PTK2: variants seen among roughly 807,000 people sequenced by gnomAD.
PTK2 encodes focal adhesion kinase 1.
Under a neutral mutation model 150.1 loss-of-function variants are expected in PTK2, and 45 were observed. The ratio of observed to expected loss-of-function variants is 0.30; its 90% CI spans 0.24 to 0.38. The LOEUF (loss-of-function observed/expected upper bound fraction) is 0.38, where lower values mean the gene tolerates loss of function less well. PTK2 is among the 10% of genes least tolerant of loss of function. PTK2 has a pLI of 1.00. For synonymous variants in PTK2, 432 were observed against 449.2 expected (o/e 0.96, Z 0.48); for missense variants, 919 against 1,307.3 (o/e 0.70, Z 4.58).
At chr8:140,682,335 C>T (rs78872298) in intron 27 of PTK2, among the ~76,000 whole-genome samples, 5,289 of 152,250 alleles carry the variant, frequency 0.035, 289 homozygotes, top group African/African-American at 0.12. Context: ...CGCCACTGTA[C>T]TCCAGCTCTG....
chr8:140,667,880 A>G (rs1057234247), intron 30 of PTK2, among the ~76,000 whole-genome samples: 55 of 152,044 alleles, frequency 3.6e-4, no homozygotes, highest in African/African-American at 1.3e-3. Context: ...CACTCCAACA[A>G]CGTAACCACA....
Position 140,743,220 on chromosome 8 carries a change from G to A in PTK2, c.1735+10C>T. 2.6e-6 allele frequency: 4 copies of A among 1,553,582 alleles called. No individual in the cohort carries two copies. The highest frequency in any genetic ancestry group is 3.4e-4 in the Middle Eastern group (2 of 5,852). The stretch of plus-strand genomic sequence containing the variant: ...AAGCCTATTTCTTAGGTACTACTCT[G>A]ATTTCTTACCTTTGTAGTAAGTACT... On this transcript the variant is annotated intron_variant, in intron 20 of 31. Coordinates refer to ENST00000522684, the Ensembl canonical transcript of PTK2.
At chr8:140,879,610 G>A in exon 4 of PTK2, 1 of 1,351,278 alleles carries the variant, frequency 7.4e-7, no homozygotes, top group Non-Finnish European at 9.8e-7. Flanking sequence ...TTTACTTTGT[G>A]ACTGTCCACT....
intron 3 of PTK2, among the ~76,000 whole-genome samples, chr8:140,889,193 T>C (rs1447060162): frequency 3.3e-5 from 5 of 152,194 alleles, no homozygotes; most frequent in Non-Finnish European, 7.3e-5. Flanking sequence ...CAAAAAATTA[T>C]GTAAAATTTA....
At chr8:140,696,222 G>A (rs2100026503) in intron 26 of PTK2, among the ~76,000 whole-genome samples, 1 of 152,176 alleles carries the variant, frequency 6.6e-6, no homozygotes, top group African/African-American at 2.4e-5. Context: ...TTTAGTGGAG[G>A]AGACAGGAAA....
At position 140,939,394 on chromosome 8, in the gene PTK2, T is replaced by C. The variant is rs140045414; in HGVS notation, c.-121-13645A>G. Among the ~76,000 whole-genome samples the C allele has an allele frequency of 2.1e-3, 319 of 152,336 alleles. 2 individuals are homozygous for C. Among genetic ancestry groups the C allele is most frequent in the Middle Eastern group, 6.8e-3 (2 of 294 alleles). On this transcript the variant is annotated intron_variant, in intron 1 of 31. Coordinates refer to ENST00000522684, the Ensembl canonical transcript of PTK2. ...TGTGTACTATACAAGTTCAGCTCTA[T>C]ATACTGCAAGTTCAGCTCTAACAAT... is the stretch of plus-strand genomic sequence containing the variant.
intron 23 of PTK2, 137 bp from the exon 27 acceptor site, chr8:140,706,342 G>A: frequency 3.3e-6 from 2 of 604,384 alleles, no homozygotes; most frequent in Non-Finnish European, 5.8e-6. Flanking sequence ...ATTTCAATAG[G>A]GAAAGAACAG....
chr8:140,931,386 A>G (rs1344557400), intron 1 of PTK2, among the ~76,000 whole-genome samples: 1 of 152,044 alleles, frequency 6.6e-6, no homozygotes, highest in African/African-American at 2.4e-5. Flanking sequence ...ACAAGATGAA[A>G]CCCCAACTCT....
At chr8:140,927,958 G>GAAAAAAAAAAAAAAAAAAAAAAAA (rs57931737) in intron 1 of PTK2, among the ~76,000 whole-genome samples, 3 of 63,638 alleles carry the variant, frequency 4.7e-5, no homozygotes, top group African/African-American at 6.5e-5. Context: ...AAAAAAAAAA[G>GAAAAAAAAAAAAAAAAAAAAAAAA]AAAAAAAAAA....
intron 8 of PTK2, among the ~76,000 whole-genome samples, chr8:140,825,342 T>C (rs2100111194): frequency 6.6e-6 from 1 of 152,164 alleles, no homozygotes; most frequent in Non-Finnish European, 1.5e-5. Flanking sequence ...CTGTGCTTGG[T>C]GAAAATATTA....
At chr8:140,774,272 C>T (rs1251285234) in intron 14 of PTK2, among the ~76,000 whole-genome samples, 5 of 152,152 alleles carry the variant, frequency 3.3e-5, no homozygotes, top group African/African-American at 4.8e-5. Flanking sequence ...GGCAAGTCAC[C>T]AGCAAAAGCT....
chr8:140,961,186 C>T (rs1053676532), intron 1 of PTK2, among the ~76,000 whole-genome samples: 1 of 152,178 alleles, frequency 6.6e-6, no homozygotes, highest in African/African-American at 2.4e-5. Context: ...CGAAGACAGG[C>T]AAATAACTAC....
intron 7 of PTK2, among the ~76,000 whole-genome samples, chr8:140,845,385 T>C (rs1277929781): frequency 6.6e-6 from 1 of 152,140 alleles, no homozygotes; most frequent in East Asian, 1.9e-4. Context: ...TGATGGTCCA[T>C]GTTTCTGTGC....
intron 22 of PTK2, among the ~76,000 whole-genome samples, chr8:140,725,028 T>C (rs1039016875): frequency 5.9e-5 from 9 of 152,390 alleles, no homozygotes; most frequent in South Asian, 4.1e-4. Flanking sequence ...ATTTCTCTCA[T>C]TGCTTCTCCA....
intron 6 of PTK2, 86 bp downstream of exon 6, chr8:140,846,513 T>G: frequency 8.0e-7 from 1 of 1,246,268 alleles, no homozygotes; most frequent in Non-Finnish European, 1.2e-6. Context: ...ATAATCCTTA[T>G]GAAGAAAAGG....
intron 1 of PTK2, among the ~76,000 whole-genome samples, chr8:140,946,585 G>A (rs557470179): frequency 1.1e-4 from 16 of 152,254 alleles, no homozygotes; most frequent in South Asian, 4.1e-4. Context: ...ATGGAAGACC[G>A]GACAGGAGCC....
chr8:140,757,340 G>A (rs896416277), intron 16 of PTK2, among the ~76,000 whole-genome samples: 7 of 151,746 alleles, frequency 4.6e-5, no homozygotes, highest in Non-Finnish European at 8.8e-5. Context: ...TGCCTCAAAG[G>A]GCAGAGTTAA....
At chr8:140,684,334 C>A (rs1044213838) in intron 27 of PTK2, among the ~76,000 whole-genome samples, 14 of 152,218 alleles carry the variant, frequency 9.2e-5, no homozygotes, top group African/African-American at 3.4e-4. Context: ...CAATAGGGTT[C>A]ACATGCCTAC....
At chr8:140,915,178 C>T (rs141834906) in intron 2 of PTK2, among the ~76,000 whole-genome samples, 343 of 151,928 alleles carry the variant, frequency 2.3e-3, no homozygotes, top group Non-Finnish European at 3.8e-3. Context: ...ATAAATAAAC[C>T]GTCAGGTATG....
Sources: allele counts gnomAD v4.1 joint callset (sites outside exome capture counted in the v4.1 genomes callset), GRCh38; gene constraint gnomAD v4.1.1; transcripts MANE v1.5; gene names NCBI Gene and HGNC (gene_info 2026-07-23, HGNC 2026-07-21).